The following PRH1 variants were observed in gnomAD, a reference collection of about 807,000 sequenced individuals.
PRH1 encodes salivary acidic proline-rich phosphoprotein 1/2.
A neutral mutation model predicts 7.9 loss-of-function variants in PRH1; 7 were observed. That is an observed-to-expected ratio of 0.89 (90% CI 0.50 to 1.67). The LOEUF (loss-of-function observed/expected upper bound fraction) is 1.67. Among genes scored for constraint, PRH1 ranks in the 40% most tolerant of loss-of-function variants. The probability of loss-of-function intolerance (pLI) is 0.00; values close to 1 mark genes in which losing one functional copy is unlikely to be tolerated. For missense variants in PRH1, 109 were observed against 223.6 expected (o/e 0.49, Z 3.27); for synonymous variants, 45 against 80.8 (o/e 0.56, Z 2.38).
intron 1 of PRH1, chr12:11,021,845 G>C (rs1264764551): frequency 1.2e-6 from 2 of 1,614,140 alleles, no homozygotes; most frequent in African/African-American, 2.7e-5. Flanking sequence ...ATTATACACA[G>C]AAAGTAAATG....
At chr12:10,902,786 G>C (rs906723698) in intron 2 of PRH1, among the ~76,000 whole-genome samples, 1 of 152,038 alleles carries the variant, frequency 6.6e-6, no homozygotes, top group African/African-American at 2.4e-5. Context: ...CTTTATAACT[G>C]AAGGAGAAAT....
At chr12:11,001,311 A>G (rs1176853030) in intron 1 of PRH1, among the ~76,000 whole-genome samples, 2 of 152,120 alleles carry the variant, frequency 1.3e-5, no homozygotes, top group African/African-American at 4.8e-5. Flanking sequence ...CTATTTTACA[A>G]ATTAAATTTT....
At chr12:10,960,602 G>C (rs1938192259) in intron 2 of PRH1, among the ~76,000 whole-genome samples, 1 of 152,190 alleles carries the variant, frequency 6.6e-6, no homozygotes, top group African/African-American at 2.4e-5. Flanking sequence ...TTTTATGTCA[G>C]AGCTGTGTCA....
At chr12:11,159,921 T>C (rs150581885) in intron 1 of PRH1, among the ~76,000 whole-genome samples, 144 of 152,348 alleles carry the variant, frequency 9.5e-4, no homozygotes, top group African/African-American at 3.3e-3. Flanking sequence ...CAAAGCTTCA[T>C]GAATACCTTT....
chr12:10,992,395 C>T (rs7307031), intron 1 of PRH1, among the ~76,000 whole-genome samples: 46,171 of 151,682 alleles, frequency 0.3, 8,846 homozygotes, highest in East Asian at 0.74. Context: ...GCTTTGTTTT[C>T]GGTTGTTCGT....
chr12:11,107,666 A>C (rs1945461757), intron 1 of PRH1, among the ~76,000 whole-genome samples: 1 of 152,262 alleles, frequency 6.6e-6, no homozygotes, highest in Non-Finnish European at 1.5e-5. Context: ...TGCACGAATC[A>C]GGATTCTATG....
chr12:11,021,756 AG>A (rs1565559435), intron 1 of PRH1: 1 of 1,614,224 alleles, frequency 6.2e-7, no homozygotes, highest in East Asian at 2.2e-5. Context: ...AGTGGAATGA[AG>A]GATACATGAT....
intron 2 of PRH1, chr12:10,932,211 C>G (rs1360423640): frequency 2.3e-6 from 1 of 436,040 alleles, no homozygotes; most frequent in East Asian, 7.1e-5. Flanking sequence ...CTATAATCTT[C>G]CTTGTCTTTT....
At chr12:11,056,882 T>C (rs1437418160) in intron 1 of PRH1, among the ~76,000 whole-genome samples, 1 of 152,252 alleles carries the variant, frequency 6.6e-6, no homozygotes, top group Non-Finnish European at 1.5e-5. Context: ...TCTTATGAGT[T>C]AACATACTAT....
chr12:11,146,346 T>A (rs1455675661), intron 1 of PRH1, among the ~76,000 whole-genome samples: 1 of 152,080 alleles, frequency 6.6e-6, no homozygotes, highest in Non-Finnish European at 1.5e-5. Context: ...AAAATGGCAA[T>A]ATTTGCCTTA....
At chr12:10,903,962 G>T (rs189323304) in intron 2 of PRH1, among the ~76,000 whole-genome samples, 1 of 61,676 alleles carries the variant, frequency 1.6e-5, no homozygotes, top group African/African-American at 3.6e-5. Context: ...AAACAACTAG[G>T]ACTACAGCTA....
rs139253542 is a variant in PRH1 at position 10,922,825 on chromosome 12, C to CTTTTTTTTTTTTTTTTT, written c.-58-38551_-58-38550insAAAAAAAAAAAAAAAAA. On this transcript the variant is annotated intron_variant, in intron 2 of 3. Coordinates refer to the PRH1 transcript ENST00000539853. ...ATTGCATCTTTTCCATGAATTTTTTCTTTTTCTTTTTTTTGAGACGGAGTC... is the reference window on the plus strand; with the variant it reads ...ATTGCATCTTTTCCATGAATTTTTTCTTTTTTTTTTTTTTTTTTTTTTCTTTTTTTTGAGACGGAGTC... 2.3e-4 allele frequency among the ~76,000 whole-genome samples: 26 copies of CTTTTTTTTTTTTTTTTT among 113,574 alleles called. 4 individuals are homozygous for CTTTTTTTTTTTTTTTTT. Among genetic ancestry groups the CTTTTTTTTTTTTTTTTT allele is most frequent in the Non-Finnish European group, 3.2e-4 (18 of 57,048 alleles). 74.5% of individuals were successfully genotyped at this position (113,574 alleles called of 152,430 possible).
At chr12:11,143,585 T>C (rs1290105646) in intron 1 of PRH1, among the ~76,000 whole-genome samples, 4 of 151,966 alleles carry the variant, frequency 2.6e-5, no homozygotes, top group Admixed American at 1.3e-4. Flanking sequence ...CAGTTGCCTA[T>C]AAGAAACACA....
chr12:10,886,826 T>A (rs1265049056), upstream of PRH1, among the ~76,000 whole-genome samples: 2 of 152,178 alleles, frequency 1.3e-5, no homozygotes, highest in Non-Finnish European at 2.9e-5. Context: ...TCTAATTGCC[T>A]CCACTTTCAA....
intron 1 of PRH1, among the ~76,000 whole-genome samples, chr12:11,060,309 C>A (rs1381365039): frequency 6.6e-6 from 1 of 151,744 alleles, no homozygotes; most frequent in African/African-American, 2.4e-5. Context: ...TTCATAGATG[C>A]CATTTTAACA....
At chr12:11,035,984 C>G (rs923321306) in intron 1 of PRH1, among the ~76,000 whole-genome samples, 6 of 152,124 alleles carry the variant, frequency 3.9e-5, no homozygotes, top group Non-Finnish European at 7.4e-5. Context: ...AGCTCTGTCC[C>G]CCGGGTTCAC....
intron 2 of PRH1, among the ~76,000 whole-genome samples, chr12:10,958,025 C>T (rs576057405): frequency 2.0e-5 from 3 of 152,246 alleles, no homozygotes; most frequent in African/African-American, 2.4e-5. Flanking sequence ...GAACTTAACA[C>T]AGAATTACCA....
chr12:10,893,347 C>A, intron 2 of PRH1, among the ~76,000 whole-genome samples: 1 of 152,308 alleles, frequency 6.6e-6, no homozygotes, highest in East Asian at 1.9e-4. Context: ...GATGTAAACT[C>A]ATATTATGGT....
chr12:11,073,961 G>C (rs1177439035), intron 1 of PRH1, among the ~76,000 whole-genome samples: 10 of 141,152 alleles, frequency 7.1e-5, no homozygotes, highest in South Asian at 2.1e-4. Context: ...GCACAAGACT[G>C]CGTGCAACTA....
Sources: allele counts gnomAD v4.1 joint callset (sites outside exome capture counted in the v4.1 genomes callset), GRCh38; gene constraint gnomAD v4.1.1; transcripts MANE v1.5; gene names NCBI Gene and HGNC (gene_info 2026-07-23, HGNC 2026-07-21).